Variants in ASIC2 observed in about 807,000 individuals in gnomAD.
ASIC2 encodes acid sensing ion channel subunit 2.
In ASIC2, 25 loss-of-function variants were observed where a neutral mutation model predicts 57.3. The observed-to-expected ratio is 0.44, with a 90% confidence interval of 0.32 to 0.61. The LOEUF is 0.61. Among genes scored for constraint, ASIC2 ranks in the 20% least tolerant of loss-of-function variants. The probability of loss-of-function intolerance (pLI) is 0.06; values close to 1 mark genes in which losing one functional copy is unlikely to be tolerated. For synonymous variants in ASIC2, 319 were observed against 307.5 expected, an observed-to-expected ratio of 1.04 and a Z score of -0.39; for missense variants, 641 against 738.1, an observed-to-expected ratio of 0.87 and a Z score of 1.52.
chr17:33,668,119 A>G (rs1334885902), intron 1 of ASIC2, among the ~76,000 whole-genome samples: 1 of 151,916 alleles, frequency 6.6e-6, no homozygotes, highest in East Asian at 1.9e-4. Flanking sequence ...CGTGTCTGGA[A>G]CTCCACCCTG....
chr17:33,346,481 T>C (rs1001809786), intron 1 of ASIC2, among the ~76,000 whole-genome samples: 2 of 152,090 alleles, frequency 1.3e-5, no homozygotes, highest in African/African-American at 4.8e-5. Flanking sequence ...GGATTTTCTA[T>C]GTGTATATGA....
chr17:33,683,416 G>A (rs1219145730), intron 1 of ASIC2, among the ~76,000 whole-genome samples: 1 of 152,194 alleles, frequency 6.6e-6, no homozygotes, highest in Non-Finnish European at 1.5e-5. Context: ...CTGTCACCCA[G>A]GCTGGAGCAC....
At chr17:33,527,851 A>G (rs1320041626) in intron 1 of ASIC2, among the ~76,000 whole-genome samples, 1 of 152,114 alleles carries the variant, frequency 6.6e-6, no homozygotes, top group Non-Finnish European at 1.5e-5. Context: ...GGAGCAAATC[A>G]CTGTCCCAAT....
chr17:33,453,532 AC>A (rs1912342617), intron 1 of ASIC2, among the ~76,000 whole-genome samples: 2 of 152,058 alleles, frequency 1.3e-5, no homozygotes, highest in African/African-American at 4.8e-5. Flanking sequence ...CTGCAAGAAC[AC>A]CCTCAACTCC....
chr17:33,329,927 G>A (rs899346969), intron 1 of ASIC2, among the ~76,000 whole-genome samples: 15 of 152,108 alleles, frequency 9.9e-5, no homozygotes, highest in Admixed American at 9.8e-4. Context: ...GGGGCAAGAG[G>A]GGAACGGGCT....
chr17:33,308,265 A>T (rs60783431), intron 1 of ASIC2, among the ~76,000 whole-genome samples: 1,615 of 152,290 alleles, frequency 0.011, 21 homozygotes, highest in African/African-American at 0.037. Context: ...TTCAATGACC[A>T]TGCATGATTC....
chr17:33,339,911 A>C (rs111294825), intron 1 of ASIC2, among the ~76,000 whole-genome samples: 136 of 152,164 alleles, frequency 8.9e-4, no homozygotes, highest in African/African-American at 3.0e-3. Context: ...CCCGACCCCA[A>C]CTGCTGCCTC....
Position 33,276,725 on chromosome 17 carries a change from A to G in ASIC2, c.708+14683T>C, listed in dbSNP as rs113914701. On this transcript the variant is annotated intron_variant, in intron 1 of 9. Coordinates refer to ENST00000225823, the MANE Select transcript of ASIC2 (RefSeq NM_183377.2). ...AAAGACAAAGGAAAGAGTTAACTTA[A>G]TAGAAACTTAACAATTGCTGTGCTG... Among the ~76,000 whole-genome samples the G allele has an allele frequency of 9.5e-3, 1,441 of 152,332 alleles. 31 individuals are homozygous for G. The highest frequency in any genetic ancestry group is 0.033 in the African/African-American group (1,374 of 41,568).
Position 34,085,317 on chromosome 17 carries a change from T to C in ASIC2, c.555+70661A>G, listed in dbSNP as rs1281663530. Among the ~76,000 whole-genome samples the C allele has an allele frequency of 2.0e-5, 3 of 152,348 alleles. No individual in the cohort carries two copies. The East Asian group carries it at 5.8e-4, about 29-fold the overall frequency. On this transcript the variant is annotated intron_variant, in intron 1 of 9. Transcript: ENST00000359872. ...TAATCATGTGGTTTTTGTCTTTGGT[T>C]CTGTTTATATGCTGGATTACATTTA...
intron 1 of ASIC2, among the ~76,000 whole-genome samples, chr17:33,858,508 C>A (rs575993427): frequency 2.6e-5 from 4 of 152,328 alleles, no homozygotes; most frequent in African/African-American, 9.6e-5. Context: ...CTGGGGTTAG[C>A]GGGAGCAGCT....
intron 1 of ASIC2, among the ~76,000 whole-genome samples, chr17:34,000,354 C>A (rs1037678269): frequency 1.3e-5 from 2 of 150,060 alleles, no homozygotes; most frequent in African/African-American, 4.9e-5. Context: ...TGGGTTCAAG[C>A]AATTCTCTTG....
chr17:34,132,061 G>A (rs1376588401), intron 1 of ASIC2, among the ~76,000 whole-genome samples: 1 of 152,184 alleles, frequency 6.6e-6, no homozygotes, highest in Non-Finnish European at 1.5e-5. Flanking sequence ...TTCTACAGGA[G>A]GATCATAATG....
At chr17:33,411,571 C>T (rs921810639) in intron 1 of ASIC2, among the ~76,000 whole-genome samples, 1 of 152,146 alleles carries the variant, frequency 6.6e-6, no homozygotes, top group Admixed American at 6.5e-5. Flanking sequence ...TCTTTTAGGC[C>T]TGGAGTGCAC....
chr17:33,357,282 G>A (rs891264449), intron 1 of ASIC2, among the ~76,000 whole-genome samples: 2 of 152,042 alleles, frequency 1.3e-5, no homozygotes, highest in African/African-American at 4.8e-5. Flanking sequence ...AAAGTTTAGC[G>A]AGGGAGAGAA....
rs148581316 is a variant in ASIC2, at chr17:33,376,033, C to T, written c.556-263966G>A. The stretch of plus-strand genomic sequence containing the variant: ...TAAGTTTATGAGTGTGGAGCTTGGG[C>T]GATGTGTGGACTAAATATATAAACT... On this transcript the variant is annotated intron_variant, in intron 1 of 9. Transcript: ENST00000359872. Among the ~76,000 whole-genome samples, 5 of 151,732 alleles carry T rather than the reference C, an allele frequency of 3.3e-5. No homozygotes were observed. The East Asian group carries it at 9.7e-4, about 29-fold the overall frequency.
intron 1 of ASIC2, among the ~76,000 whole-genome samples, chr17:33,779,720 TAAC>T (rs1228162221): frequency 6.6e-6 from 1 of 152,146 alleles, no homozygotes; most frequent in African/African-American, 2.4e-5. Flanking sequence ...GGGATAATAA[TAAC>T]AACAGCAAAA....
In ASIC2 at chr17:33,380,160, C is replaced by T. The variant is rs544774872; in HGVS notation, c.556-268093G>A. ...ACTTGGGGGGCTGAGGCAGTAGAAT[C>T]GCTTGAACCAGGGAGGCAGAAGTTG... On this transcript the variant is annotated intron_variant, in intron 1 of 9. Transcript: ENST00000359872. Among the ~76,000 whole-genome samples the T allele has an allele frequency of 1.7e-4, 24 of 143,108 alleles. No homozygotes were observed. The South Asian group carries it at 4.4e-3, about 27-fold the overall frequency. The allele number at this position is 143,108 out of a possible 152,430, so 93.9% of individuals were successfully genotyped here.
At chr17:33,120,897 A>T (rs1000053442) in intron 1 of ASIC2, among the ~76,000 whole-genome samples, 1 of 152,052 alleles carries the variant, frequency 6.6e-6, no homozygotes, top group Non-Finnish European at 1.5e-5. Context: ...AAAAGCTAAT[A>T]TGGAATTGGG....
At chr17:33,766,490 G>A (rs1910940244) in intron 1 of ASIC2, among the ~76,000 whole-genome samples, 1 of 152,142 alleles carries the variant, frequency 6.6e-6, no homozygotes, top group Non-Finnish European at 1.5e-5. Context: ...AGGAACAATG[G>A]GCTTCAAAGC....
Sources: gnomAD v4.1 joint callset for allele counts (sites outside exome capture counted in the v4.1 genomes callset) on GRCh38, gnomAD v4.1.1 for gene constraint, MANE v1.5 for transcripts, NCBI Gene and HGNC (gene_info 2026-07-23, HGNC 2026-07-21) for gene names.